Variants in SH3PXD2A observed in about 807,000 individuals in gnomAD.
The protein encoded by SH3PXD2A is SH3 and PX domains 2A.
In SH3PXD2A, 32 loss-of-function variants were observed where a neutral mutation model predicts 115.2. That is an observed-to-expected ratio of 0.28 (90% confidence interval 0.21 to 0.37). The LOEUF is 0.37. Ranked by LOEUF, SH3PXD2A falls within the 10% of genes least tolerant of loss-of-function variation. The pLI is 1.00. For synonymous variants in SH3PXD2A, 610 were observed against 629.1 expected, an observed-to-expected ratio of 0.97 and a Z score of 0.45; for missense variants, 1,328 against 1,498.7, an observed-to-expected ratio of 0.89 and a Z score of 1.88.
intron 2 of SH3PXD2A, among the ~76,000 whole-genome samples, chr10:103,794,951 C>A (rs2039072255): frequency 6.6e-6 from 1 of 152,134 alleles, no homozygotes; most frequent in Admixed American, 6.5e-5. Flanking sequence ...CTTGCCAGGG[C>A]CCTAGAAGAT....
chr10:103,602,496 C>G lies in SH3PXD2A; in HGVS notation c.2722G>C (p.Glu908Gln). The G allele has an allele frequency of 6.2e-7, 1 of 1,614,152 alleles. No individual in the cohort carries two copies. The highest frequency in any genetic ancestry group is 8.5e-7 in the Non-Finnish European group (1 of 1,180,008). The change falls in exon 15 of 15, where the codon GAG becomes CAG. Residue 908 changes from glutamate to glutamine, a missense_variant. Glu to Gln is a conservative substitution (Grantham distance 29, BLOSUM62 2). Transcript: ENST00000369774. The stretch of plus-strand genomic sequence containing the variant: ...CCCTTGGCGGGCACTGTGTCCAGCT[C>G]TTTGCCAGAGGGGTCAGGTTGCTCG... ...ENEQPDPSGKELDTVPAKGRQ... is the reference protein window; with the variant it reads ...ENEQPDPSGKQLDTVPAKGRQ...
At chr10:103,718,214 A>C (rs1235492774) in intron 5 of SH3PXD2A, among the ~76,000 whole-genome samples, 2 of 151,362 alleles carry the variant, frequency 1.3e-5, no homozygotes, top group Non-Finnish European at 2.9e-5. Context: ...TGGGGGTCTC[A>C]CTATGTTGCT....
intron 5 of SH3PXD2A, among the ~76,000 whole-genome samples, chr10:103,716,742 T>C (rs562882399): frequency 6.6e-6 from 1 of 152,284 alleles, no homozygotes; most frequent in Admixed American, 6.5e-5. Flanking sequence ...TGGCCTCAGT[T>C]TTCCCCTCTG....
intron 1 of SH3PXD2A, among the ~76,000 whole-genome samples, chr10:103,823,275 C>T (rs1159157008): frequency 6.6e-6 from 1 of 152,172 alleles, no homozygotes; most frequent in Non-Finnish European, 1.5e-5. Flanking sequence ...AAGCAGCGTG[C>T]AGAAAAATCC....
At chr10:103,773,630 G>C (rs962881233) in intron 2 of SH3PXD2A, among the ~76,000 whole-genome samples, 1 of 151,810 alleles carries the variant, frequency 6.6e-6, no homozygotes, top group South Asian at 2.1e-4. Context: ...TAGTAGAGAC[G>C]GGGTTTCACC....
In SH3PXD2A at chr10:103,603,165, G is replaced by T; in HGVS notation, c.2053C>A (p.His685Asn). 6.2e-7 allele frequency: 1 copy of T among 1,613,838 alleles called. No individual in the cohort carries two copies. ...GATGAGGAAAAGGAGGCTGAGGAGTGGTTCTTCCCCATTTCTGCCTGGGCA... is the reference window on the plus strand; with the variant it reads ...GATGAGGAAAAGGAGGCTGAGGAGTTGTTCTTCCCCATTTCTGCCTGGGCA... Reference protein sequence around the residue: ...KNAQAEMGKNHSSASFSSSIT... With the variant: ...KNAQAEMGKNNSSASFSSSIT... Residue 685 changes from histidine to asparagine, a missense_variant, in exon 15 of 15, where the codon CAC becomes AAC. His to Asn is a moderately conservative substitution (Grantham distance 68, BLOSUM62 1). Coordinates refer to ENST00000369774, the MANE Select transcript of SH3PXD2A (RefSeq NM_001394015.1).
At chr10:103,767,916 G>T (rs1564884233) in intron 2 of SH3PXD2A, among the ~76,000 whole-genome samples, 1 of 149,086 alleles carries the variant, frequency 6.7e-6, no homozygotes, top group Non-Finnish European at 1.5e-5. Context: ...CTTTGTGTGT[G>T]GCTGATTTCC....
Position 103,603,302 on chromosome 10 carries a change from G to A in SH3PXD2A, c.1916C>T (p.Ser639Phe), listed in dbSNP as rs141568792. 14 of 1,613,974 alleles carry A rather than the reference G, an allele frequency of 8.7e-6. No homozygotes were observed. The highest frequency in any genetic ancestry group is 4.4e-5 in the South Asian group (4 of 91,090). ...AEDTLSARGS[S>F]GDSDSPGSSS... The stretch of plus-strand genomic sequence containing the variant: ...GCTGCCTGGGGAGTCGCTGTCCCCG[G>A]AGGAGCCTCTGGCTGACAGGGTGTC... Residue 639 changes from serine (S) to phenylalanine (F), a missense_variant, in exon 15 of 15, where the codon TCC becomes TTC. Ser to Phe is a radical substitution (Grantham distance 155). Transcript: ENST00000369774.
chr10:103,625,716 A>AC (rs1275737868), intron 9 of SH3PXD2A, among the ~76,000 whole-genome samples: 1 of 152,078 alleles, frequency 6.6e-6, no homozygotes, highest in Non-Finnish European at 1.5e-5. Flanking sequence ...ACATGGCGAG[A>AC]CCCCGTCTCT....
intron 8 of SH3PXD2A, among the ~76,000 whole-genome samples, chr10:103,659,270 A>C (rs11191759): frequency 0.49 from 74,031 of 152,030 alleles, 18,252 homozygotes; most frequent in East Asian, 0.63. Flanking sequence ...CCCCAAAGAC[A>C]TGGGGGCTCA....
At chr10:103,628,699 A>G (rs931603643) in intron 8 of SH3PXD2A, among the ~76,000 whole-genome samples, 5 of 152,016 alleles carry the variant, frequency 3.3e-5, no homozygotes, top group Admixed American at 3.3e-4. Context: ...GGCTCTGCCA[A>G]CCCTGGAGAC....
At chr10:103,619,659 C>A (rs527860054) in intron 10 of SH3PXD2A, among the ~76,000 whole-genome samples, 1 of 152,156 alleles carries the variant, frequency 6.6e-6, no homozygotes, top group Non-Finnish European at 1.5e-5. Flanking sequence ...AGACAGAATC[C>A]CGTGGGCCAT....
At chr10:103,719,057 G>T (rs1463544127) in intron 5 of SH3PXD2A, among the ~76,000 whole-genome samples, 1 of 152,158 alleles carries the variant, frequency 6.6e-6, no homozygotes, top group East Asian at 1.9e-4. Context: ...TGAATCTGCT[G>T]GTGCCTTGGT....
chr10:103,683,738 C>T (rs1386255843), intron 6 of SH3PXD2A, among the ~76,000 whole-genome samples: 3 of 152,180 alleles, frequency 2.0e-5, no homozygotes, highest in African/African-American at 7.2e-5. Flanking sequence ...CTTACTCATG[C>T]CTGGCTGTCC....
intron 3 of SH3PXD2A, among the ~76,000 whole-genome samples, chr10:103,744,624 G>A (rs2038480561): frequency 6.6e-6 from 1 of 152,180 alleles, no homozygotes. Context: ...ATCACACCCT[G>A]ACACCCAATC....
At chr10:103,690,011 G>A (rs1284102226) in intron 6 of SH3PXD2A, among the ~76,000 whole-genome samples, 14 of 152,102 alleles carry the variant, frequency 9.2e-5, no homozygotes, top group Admixed American at 6.5e-4. Context: ...GGGAAGCTTC[G>A]TGAGGTTCAT....
At chr10:103,671,594 C>T (rs1204952790) in intron 6 of SH3PXD2A, among the ~76,000 whole-genome samples, 2 of 152,216 alleles carry the variant, frequency 1.3e-5, no homozygotes, top group Non-Finnish European at 2.9e-5. Flanking sequence ...TCTAGCCCAC[C>T]CTAGCAAGCT....
At chr10:103,738,691 A>T (rs2038408523) in intron 3 of SH3PXD2A, among the ~76,000 whole-genome samples, 1 of 152,116 alleles carries the variant, frequency 6.6e-6, no homozygotes, top group African/African-American at 2.4e-5. Flanking sequence ...AAGCAGGGAG[A>T]TGGGAAGATA....
intron 2 of SH3PXD2A, among the ~76,000 whole-genome samples, chr10:103,785,185 G>A (rs1253005570): frequency 6.6e-6 from 1 of 152,202 alleles, no homozygotes; most frequent in Non-Finnish European, 1.5e-5. Context: ...TGACAGCTTG[G>A]GGGCCAGCCT....
Sources: gnomAD v4.1 joint callset for allele counts (sites outside exome capture counted in the v4.1 genomes callset) on GRCh38, gnomAD v4.1.1 for gene constraint, MANE v1.5 for transcripts, NCBI Gene and HGNC (gene_info 2026-07-23, HGNC 2026-07-21) for gene names.